ELMOD3: variants seen among roughly 807,000 people sequenced by gnomAD.
The protein encoded by ELMOD3 is ELMO domain-containing protein 3.
In ELMOD3, 36 loss-of-function variants were observed where a neutral mutation model predicts 47.4. That is an observed-to-expected ratio of 0.76 (90% CI 0.58 to 1.00). The LOEUF (loss-of-function observed/expected upper bound fraction) is 1.00, where lower values mean the gene tolerates loss of function less well. ELMOD3 is among the 50% of genes least tolerant of loss of function. The pLI, the probability that ELMOD3 is intolerant of heterozygous loss-of-function variation, is 0.00. For synonymous variants in ELMOD3, 149 were observed against 183.5 expected, an observed-to-expected ratio of 0.81 and a Z score of 1.52; for missense variants, 404 against 463.8, an observed-to-expected ratio of 0.87 and a Z score of 1.18.
At chr2:85,389,702 A>G in intron 11 of ELMOD3, 49 bp from the exon 12 acceptor site, 1 of 1,543,300 alleles carries the variant, frequency 6.5e-7, no homozygotes, top group Non-Finnish European at 9.0e-7. Context: ...ATGACAGGAA[A>G]CACAGTGAGA....
At chr2:85,363,975 A>T (rs1445227230) in intron 6 of ELMOD3, among the ~76,000 whole-genome samples, 5 of 152,142 alleles carry the variant, frequency 3.3e-5, no homozygotes, top group Non-Finnish European at 7.3e-5. Context: ...AAAATATTTT[A>T]AAAATTAGCC....
intron 7 of ELMOD3, 86 bp downstream of exon 7, chr2:85,368,840 C>A (rs1558700674): frequency 2.2e-6 from 3 of 1,386,368 alleles, no homozygotes; most frequent in Non-Finnish European, 3.1e-6. Flanking sequence ...TTCTGTGAGT[C>A]TGGGACTAGG....
chr2:85,364,082 T>C (rs1238114740), intron 6 of ELMOD3, among the ~76,000 whole-genome samples: 1 of 152,012 alleles, frequency 6.6e-6, no homozygotes, highest in East Asian at 1.9e-4. Flanking sequence ...TGAACCGAGA[T>C]TGTGCTACTG....
chr2:85,371,125 G>A lies in ELMOD3; in HGVS notation c.400G>A (p.Ala134Thr), dbSNP rs371254266. 2.2e-5 allele frequency: 35 copies of A among 1,614,206 alleles called. No homozygotes were observed. Among genetic ancestry groups the A allele is most frequent in the Middle Eastern group, 1.6e-4 (1 of 6,062 alleles). The change falls in exon 9 of 14, where the codon GCC (alanine) becomes ACC (threonine). Residue 134 changes from alanine (A) to threonine (T), a missense_variant. Transcript: ENST00000409013. ...QPTIRRTGLA[A>T]LRHYLFGPPK... Reference sequence around the variant, plus strand: ...AACTATTCGAAGGACTGGGCTCGCCGCCCTCCGACACTACCTCTTCGGGCC... The same window carrying A: ...AACTATTCGAAGGACTGGGCTCGCCACCCTCCGACACTACCTCTTCGGGCC...
chr2:85,359,100 C>T (rs1397795621), intron 4 of ELMOD3, among the ~76,000 whole-genome samples: 1 of 152,086 alleles, frequency 6.6e-6, no homozygotes, highest in Admixed American at 6.6e-5. Flanking sequence ...GTAAATCAGC[C>T]CATTAATGAA....
chr2:85,365,349 CAA>C (rs888203148), intron 6 of ELMOD3, among the ~76,000 whole-genome samples: 6 of 145,742 alleles, frequency 4.1e-5, no homozygotes, highest in African/African-American at 5.1e-5. Flanking sequence ...GACTTCTTCT[CAA>C]AAAAAAATAT....
chr2:85,384,385 AG>A (rs1461466112), intron 11 of ELMOD3, among the ~76,000 whole-genome samples: 1 of 152,188 alleles, frequency 6.6e-6, no homozygotes, highest in Non-Finnish European at 1.5e-5. Flanking sequence ...TGCCTTGCAC[AG>A]GGGTAGCATC....
At chr2:85,375,305 A>T (rs1214948350) in intron 10 of ELMOD3, among the ~76,000 whole-genome samples, 10 of 152,194 alleles carry the variant, frequency 6.6e-5, no homozygotes, top group African/African-American at 2.4e-4. Context: ...CCAATGATAC[A>T]AATGCTATCT....
intron 4 of ELMOD3, among the ~76,000 whole-genome samples, chr2:85,360,428 G>A (rs996675209): frequency 1.5e-4 from 23 of 150,362 alleles, no homozygotes; most frequent in Non-Finnish European, 2.8e-4. Context: ...ATCTCAGCTC[G>A]CTGCAACTTC....
intron 3 of ELMOD3, 118 bp from the exon 4 acceptor site, chr2:85,356,849 C>T (rs979353579): frequency 6.2e-6 from 1 of 160,888 alleles, no homozygotes; most frequent in Admixed American, 6.4e-5. Context: ...CGGCTGCACT[C>T]CAGCCTGGGC....
chr2:85,382,258 T>C (rs1685606881), intron 11 of ELMOD3, among the ~76,000 whole-genome samples: 2 of 150,052 alleles, frequency 1.3e-5, no homozygotes, highest in South Asian at 2.1e-4. Flanking sequence ...CCTAACGTGG[T>C]GAAACCCCGT....
At position 85,390,229 on chromosome 2, in the gene ELMOD3, C is replaced by G. The variant is rs760213745; in HGVS notation, c.907C>G (p.Arg303Gly). 6.2e-7 allele frequency: 1 copy of G among 1,614,146 alleles called. No individual in the cohort carries two copies. Among genetic ancestry groups the G allele is most frequent in the South Asian group, 1.1e-5 (1 of 91,076 alleles). The change falls in exon 13 of 14, where the codon CGG becomes GGG. Residue 303 changes from arginine to glycine, a missense_variant. Transcript: ENST00000409013. ...CCTCGCACATGTCTGGAGGACACAGCGGAAGACCATCTCAGACTCGGGCTT... is the reference window on the plus strand; with the variant it reads ...CCTCGCACATGTCTGGAGGACACAGGGGAAGACCATCTCAGACTCGGGCTT... ...LHLAHVWRTQ[R>G]KTISDSGFVL...
rs200965329 is a variant in ELMOD3 at position 85,390,792 on chromosome 2, C to T, written c.976C>T (p.Arg326Trp). 15 of 1,551,398 alleles carry T rather than the reference C, an allele frequency of 9.7e-6. No individual in the cohort carries two copies. The highest frequency in any genetic ancestry group is 2.7e-5 in the African/African-American group (2 of 73,042). ...LEVLAKKSPR[R>W]LLKTLELYLA... The stretch of plus-strand genomic sequence containing the variant: ...AGTATTGGCCAAGAAGAGCCCACGG[C>T]GGCTGCTCAAGACCCTGGAGCTGTA... Residue 326 changes from arginine (R) to tryptophan (W), a missense_variant, in exon 14 of 14, where the codon CGG (arginine) becomes TGG (tryptophan). Coordinates refer to ENST00000409013, the MANE Select transcript of ELMOD3 (RefSeq NM_001135022.2).
rs530868589 is a variant in ELMOD3, at chr2:85,365,355, A to T, written c.199+2189A>T. On this transcript the variant is annotated intron_variant, in intron 6 of 13. Transcript: ENST00000409013. Reference sequence around the variant, plus strand: ...ACAGAGCGAGACTTCTTCTCAAAAAAAAATATATATATAATAAATAAAAAT... The same window carrying T: ...ACAGAGCGAGACTTCTTCTCAAAAATAAATATATATATAATAAATAAAAAT... Among the ~76,000 whole-genome samples the T allele has an allele frequency of 8.5e-3, 1,283 of 150,898 alleles. 11 individuals carry two copies. Among genetic ancestry groups the T allele is most frequent in the Non-Finnish European group, 0.014 (944 of 67,692 alleles).
At chr2:85,367,628 C>A (rs1159274263) in intron 6 of ELMOD3, 1 of 152,196 alleles carries the variant, frequency 6.6e-6, no homozygotes, top group Non-Finnish European at 1.5e-5. Context: ...TTGATCACAA[C>A]CAGTTACAGA....
chr2:85,360,266 C>CAAAA (rs753285939), intron 4 of ELMOD3, among the ~76,000 whole-genome samples: 14 of 51,484 alleles, frequency 2.7e-4, no homozygotes, highest in African/African-American at 8.0e-4. Context: ...AACTCCATCT[C>CAAAA]AAAAAAAAAA....
At chr2:85,371,627 C>T in intron 10 of ELMOD3, 65 bp downstream of exon 10, 1 of 1,599,482 alleles carries the variant, frequency 6.3e-7, no homozygotes, top group Non-Finnish European at 8.5e-7. Context: ...AGTGAGAGGC[C>T]AGGTCGTTCT....
chr2:85,381,652 T>C (rs1685545187), intron 11 of ELMOD3, among the ~76,000 whole-genome samples: 1 of 152,246 alleles, frequency 6.6e-6, no homozygotes, highest in African/African-American at 2.4e-5. Context: ...TAACCTATTT[T>C]ATCTTTAAAA....
At position 85,358,821 on chromosome 2, in the gene ELMOD3, C is replaced by T. The variant is rs6750885; in HGVS notation, c.54+1569C>T. Among the ~76,000 whole-genome samples the T allele has an allele frequency of 2.6e-3, 392 of 152,292 alleles. 3 individuals are homozygous for T. The highest frequency in any genetic ancestry group is 8.4e-3 in the African/African-American group (350 of 41,570). Reference sequence around the variant, plus strand: ...GTATTGTGAAGAAACCACCTTCCACCCTTGTCCCCCCAGCCACTCAGTTTT... The same window carrying T: ...GTATTGTGAAGAAACCACCTTCCACTCTTGTCCCCCCAGCCACTCAGTTTT... On this transcript the variant is annotated intron_variant, in intron 4 of 13. Coordinates refer to ENST00000409013, the MANE Select transcript of ELMOD3 (RefSeq NM_001135022.2).
Sources: gnomAD v4.1 joint callset for allele counts (sites outside exome capture counted in the v4.1 genomes callset) on GRCh38, gnomAD v4.1.1 for gene constraint, MANE v1.5 for transcripts, NCBI Gene and HGNC (gene_info 2026-07-23, HGNC 2026-07-21) for gene names.